The following NHS variants were observed in gnomAD, a reference collection of about 807,000 sequenced individuals.
NHS encodes the protein actin remodeling regulator NHS.
NHS carries 5 observed loss-of-function variants against 72.5 expected under a neutral mutation model. The observed-to-expected ratio is 0.07, with a 90% CI of 0.04 to 0.14. NHS has a LOEUF of 0.14. Ranked by LOEUF, NHS falls within the 10% of genes least tolerant of loss-of-function variation. The pLI is 1.00. For missense variants in NHS, 1,072 were observed against 1,355.7 expected, an observed-to-expected ratio of 0.79 and a Z score of 3.29; for synonymous variants, 464 against 547.7, an observed-to-expected ratio of 0.85 and a Z score of 2.13.
At chrX:17,581,624 G>T (rs2065544198) in intron 1 of NHS, among the ~76,000 whole-genome samples, 1 of 111,971 alleles carries the variant, frequency 8.9e-6, no homozygotes, top group Non-Finnish European at 1.9e-5. Flanking sequence ...GGCTGCTGCA[G>T]CTGGTTTATT....
At chrX:17,608,254 GA>G (rs771998705) in intron 1 of NHS, among the ~76,000 whole-genome samples, 77 of 111,292 alleles carry the variant, frequency 6.9e-4, no homozygotes, top group Middle Eastern at 4.6e-3. Context: ...ATTGCACTGG[GA>G]AAAGTTTAAG....
chrX:17,521,261 G>A (rs188222535), intron 1 of NHS, among the ~76,000 whole-genome samples: 36 of 111,495 alleles, frequency 3.2e-4, no homozygotes, highest in Non-Finnish European at 5.3e-4. Flanking sequence ...CTCTTGTAAT[G>A]TGTGACCAAT....
intron 1 of NHS, among the ~76,000 whole-genome samples, chrX:17,398,795 C>T (rs1569245801): frequency 9.0e-6 from 1 of 111,722 alleles, no homozygotes; most frequent in East Asian, 2.8e-4. Context: ...CCTCTTGAGG[C>T]CCAGGCTTAG....
At chrX:17,531,902 C>T (rs1349486955) in intron 1 of NHS, among the ~76,000 whole-genome samples, 4 of 112,587 alleles carry the variant, frequency 3.6e-5, no homozygotes, top group African/African-American at 9.7e-5. Context: ...CCTTCTTATC[C>T]TCATAGTGCT....
At chrX:17,522,440 A>G (rs1037706231) in intron 1 of NHS, among the ~76,000 whole-genome samples, 4 of 100,901 alleles carry the variant, frequency 4.0e-5, no homozygotes, top group Admixed American at 3.3e-4. Context: ...CAGGCCCACA[A>G]TTTCCCCCTG....
Position 17,709,296 on chromosome X carries a change from C to T in NHS, c.853-10048C>T, listed in dbSNP as rs910850313. Among the ~76,000 whole-genome samples the T allele has an allele frequency of 3.6e-5, 4 of 111,762 alleles. No homozygotes were observed. The Admixed American group carries it at 3.8e-4, about 11-fold the overall frequency. On this transcript the variant is annotated intron_variant, in intron 3 of 8. Coordinates refer to ENST00000676302, the MANE Select transcript of NHS (RefSeq NM_001291867.2). Reference sequence around the variant, plus strand: ...TTCCCCTCTATACCCATTTTCAAGGCTCACCAGAAGCAGTTTGCTTTTGAG... The same window carrying T: ...TTCCCCTCTATACCCATTTTCAAGGTTCACCAGAAGCAGTTTGCTTTTGAG...
At chrX:17,596,010 A>C (rs1301422721) in intron 1 of NHS, among the ~76,000 whole-genome samples, 2 of 106,033 alleles carry the variant, frequency 1.9e-5, no homozygotes, top group Non-Finnish European at 3.9e-5. Flanking sequence ...GAGTTAAATT[A>C]CAGACAATTT....
At chrX:17,512,695 A>T (rs1003081971) in intron 1 of NHS, among the ~76,000 whole-genome samples, 2 of 112,891 alleles carry the variant, frequency 1.8e-5, no homozygotes, top group African/African-American at 6.4e-5. Flanking sequence ...CTAATGTATC[A>T]GTCACACTGG....
intron 1 of NHS, among the ~76,000 whole-genome samples, chrX:17,677,280 A>G (rs998178474): frequency 8.9e-5 from 10 of 112,474 alleles, no homozygotes; most frequent in African/African-American, 3.2e-4. Flanking sequence ...TTGTTGAGGC[A>G]GGATGGTACA....
chrX:17,455,330 C>T (rs948035173), intron 1 of NHS, among the ~76,000 whole-genome samples: 2 of 111,951 alleles, frequency 1.8e-5, no homozygotes, highest in African/African-American at 6.5e-5. Flanking sequence ...TCTCCTCCTC[C>T]TCATCATCAT....
intron 1 of NHS, among the ~76,000 whole-genome samples, chrX:17,581,762 A>G (rs1039360973): frequency 4.5e-5 from 5 of 111,314 alleles, no homozygotes; most frequent in Admixed American, 3.8e-4. Context: ...CTTCGTGGTG[A>G]CTTGAAACTG....
intron 1 of NHS, among the ~76,000 whole-genome samples, chrX:17,379,845 G>A (rs2064367542): frequency 8.9e-6 from 1 of 112,199 alleles, no homozygotes; most frequent in African/African-American, 3.2e-5. Flanking sequence ...GCTAGTGGGA[G>A]AGTGAATATT....
At chrX:17,709,571 A>T (rs1409314236) in intron 3 of NHS, among the ~76,000 whole-genome samples, 1 of 112,252 alleles carries the variant, frequency 8.9e-6, no homozygotes, top group Non-Finnish European at 1.9e-5. Context: ...ACATAGGTAC[A>T]TTATTATTAC....
chrX:17,672,983 G>C (rs1294142176), intron 1 of NHS, among the ~76,000 whole-genome samples: 1 of 110,687 alleles, frequency 9.0e-6, no homozygotes, highest in East Asian at 2.8e-4. Context: ...GGTGCAACTC[G>C]AGCTTGGTAT....
At chrX:17,433,105 C>T (rs189116812) in intron 1 of NHS, among the ~76,000 whole-genome samples, 1,350 of 108,780 alleles carry the variant, frequency 0.012, 26 homozygotes, top group African/African-American at 0.042. Flanking sequence ...TCTCGGCTCA[C>T]TGCAAGCTCT....
intron 1 of NHS, among the ~76,000 whole-genome samples, chrX:17,587,727 A>G (rs1416139854): frequency 8.9e-6 from 1 of 111,985 alleles, no homozygotes; most frequent in Non-Finnish European, 1.9e-5. Flanking sequence ...ATAGGTTCTT[A>G]GAGAAATTGA....
intron 3 of NHS, among the ~76,000 whole-genome samples, chrX:17,702,016 T>C (rs1186071542): frequency 9.0e-6 from 1 of 110,501 alleles, no homozygotes; most frequent in African/African-American, 3.3e-5. Flanking sequence ...CAGAAATAAA[T>C]GAGATGGATT....
chrX:17,470,408 A>G (rs2064887540), intron 1 of NHS, among the ~76,000 whole-genome samples: 1 of 111,727 alleles, frequency 9.0e-6, no homozygotes, highest in Admixed American at 9.5e-5. Flanking sequence ...ATGTAAAGCT[A>G]TTGCCCAAGA....
intron 1 of NHS, among the ~76,000 whole-genome samples, chrX:17,398,247 A>G (rs1409683919): frequency 8.9e-6 from 1 of 111,876 alleles, no homozygotes; most frequent in Non-Finnish European, 1.9e-5. Context: ...CTTTTCATCT[A>G]TTTCATATAT....
Sources: gnomAD v4.1 joint callset for allele counts (sites outside exome capture counted in the v4.1 genomes callset) on GRCh38, gnomAD v4.1.1 for gene constraint, MANE v1.5 for transcripts, NCBI Gene and HGNC (gene_info 2026-07-23, HGNC 2026-07-21) for gene names.